The following ARHGAP44 variants were observed in gnomAD, a reference collection of about 807,000 sequenced individuals.
ARHGAP44 encodes the protein Rho GTPase activating protein 44, also known as rho GTPase-activating protein 44.
In ARHGAP44, 43 loss-of-function variants were observed where a neutral mutation model predicts 106.8. The ratio of observed to expected loss-of-function variants is 0.40; its 90% CI spans 0.32 to 0.52. ARHGAP44 has a LOEUF of 0.52. ARHGAP44 is among the 20% of genes least tolerant of loss of function. ARHGAP44 has a pLI of 0.48. For missense variants in ARHGAP44, 866 were observed against 1,050.5 expected (o/e 0.82, Z 2.43); for synonymous variants, 439 against 410.3 (o/e 1.07, Z -0.85).
At chr17:12,984,967 G>A (rs1230759781) in intron 20 of ARHGAP44, 59 bp downstream of exon 20, 7 of 1,534,914 alleles carry the variant, frequency 4.6e-6, no homozygotes, top group Non-Finnish European at 6.1e-6. Context: ...ATGTGCCTAG[G>A]GGAGGGATTG....
At chr17:12,883,092 T>C (rs1168087369) in intron 1 of ARHGAP44, among the ~76,000 whole-genome samples, 1 of 151,838 alleles carries the variant, frequency 6.6e-6, no homozygotes, top group South Asian at 2.1e-4. Context: ...TTCTTTGATA[T>C]TTATAGAATG....
chr17:12,990,729 C>T lies in ARHGAP44; in HGVS notation c.*558C>T, dbSNP rs1452888495. The stretch of plus-strand genomic sequence containing the variant: ...TGGGGGAGGGCTTGCCACTGGAAAA[C>T]CTTTCAGGCCGCCCCCATCAGTGGG... On this transcript the variant is annotated 3_prime_UTR_variant, in exon 21 of 21. Coordinates refer to ENST00000379672, the MANE Select transcript of ARHGAP44 (RefSeq NM_014859.6). 6.6e-6 allele frequency: 1 copy of T among 152,430 alleles called. No homozygotes were observed. The highest frequency in any genetic ancestry group is 2.4e-5 in the African/African-American group (1 of 41,456). The allele number at this position is 152,430 out of a possible 1,614,324, so 9.4% of individuals were successfully genotyped here.
intron 13 of ARHGAP44, 42 bp downstream of exon 13, chr17:12,952,623 T>TA (rs776497839): frequency 4.5e-5 from 65 of 1,455,326 alleles, no homozygotes; most frequent in Non-Finnish European, 5.7e-5. Flanking sequence ...GGCTTGGGCT[T>TA]ATGTAAGCCT....
intron 1 of ARHGAP44, among the ~76,000 whole-genome samples, chr17:12,816,495 G>A (rs1160345985): frequency 6.6e-6 from 1 of 152,134 alleles, no homozygotes; most frequent in Non-Finnish European, 1.5e-5. Context: ...GGAGCTTTAA[G>A]CTGTCATTAT....
chr17:12,843,651 C>CTTTTTTT (rs146749216), intron 1 of ARHGAP44, among the ~76,000 whole-genome samples: 10 of 97,120 alleles, frequency 1.0e-4, no homozygotes, highest in African/African-American at 1.5e-4. Flanking sequence ...GTATTGGTTA[C>CTTTTTTT]TTTTTTTTTT....
intron 1 of ARHGAP44, among the ~76,000 whole-genome samples, chr17:12,795,442 A>G (rs537520050): frequency 3.9e-5 from 6 of 152,278 alleles, no homozygotes; most frequent in African/African-American, 1.4e-4. Context: ...CAGACCTGCA[A>G]GTCATCGTGA....
intron 1 of ARHGAP44, among the ~76,000 whole-genome samples, chr17:12,885,853 G>T (rs918212744): frequency 6.6e-6 from 1 of 151,932 alleles, no homozygotes; most frequent in Non-Finnish European, 1.5e-5. Flanking sequence ...AAAGCTTTTA[G>T]TTTTGAAGAA....
At position 12,958,679 on chromosome 17, in the gene ARHGAP44, C is replaced by T. The variant is rs2039185902; in HGVS notation, c.1343-38C>T. 2 of 1,600,624 alleles carry T rather than the reference C, an allele frequency of 1.2e-6. No individual in the cohort carries two copies. The highest frequency in any genetic ancestry group is 3.4e-5 in the Admixed American group (2 of 59,586). The stretch of plus-strand genomic sequence containing the variant: ...CCCTGCCCAGGAAGGGTGTGGCAGA[C>T]CAAGAGTTCACATGTACCAATTCTT... On this transcript the variant is annotated intron_variant, in intron 15 of 20. Transcript: ENST00000379672. This position sits in a 1 kb window ranked among gnomAD's most constrained non-coding sequence, Gnocchi z 4.1.
intron 7 of ARHGAP44, among the ~76,000 whole-genome samples, chr17:12,933,527 C>G (rs2038459450): frequency 6.6e-6 from 1 of 152,160 alleles, no homozygotes; most frequent in African/African-American, 2.4e-5. Context: ...TGAGACAAGC[C>G]CAACTCTTCA....
intron 1 of ARHGAP44, among the ~76,000 whole-genome samples, chr17:12,792,867 G>A (rs2033808370): frequency 6.6e-6 from 1 of 152,176 alleles, no homozygotes; most frequent in Non-Finnish European, 1.5e-5. Flanking sequence ...CATATTAAGG[G>A]CGTCAGCGAC....
chr17:12,974,220 C>CGCCGCTGCCCCTGGACA lies in ARHGAP44; in HGVS notation c.1682_1683insCCTGGACAGCCGCTGCC (p.Glu562LeufsTer137). The CGCCGCTGCCCCTGGACA allele has an allele frequency of 6.5e-7, 1 of 1,546,368 alleles. No homozygotes were observed. Among genetic ancestry groups the CGCCGCTGCCCCTGGACA allele is most frequent in the Non-Finnish European group, 8.7e-7 (1 of 1,145,632 alleles). ...GCCGAGCTGGCTGCGCCCCTGCCTT[C>CGCCGCTGCCCCTGGACA]GCCGCTGCCGGAGCAGCCCCTGGAC... is the stretch of plus-strand genomic sequence containing the variant. On this transcript the variant is annotated frameshift_variant, in exon 18 of 21. Coordinates refer to ENST00000379672, the MANE Select transcript of ARHGAP44 (RefSeq NM_014859.6). LOFTEE classifies it high-confidence loss of function.
chr17:12,977,824 G>C (rs144090790), intron 18 of ARHGAP44, among the ~76,000 whole-genome samples: 1 of 151,988 alleles, frequency 6.6e-6, no homozygotes, highest in South Asian at 2.1e-4. Context: ...TGGATCCTGA[G>C]GTCAGGAGAT....
Position 12,870,089 on chromosome 17 carries a change from C to T in ARHGAP44, c.54-24851C>T, listed in dbSNP as rs184895044. Among the ~76,000 whole-genome samples the T allele has an allele frequency of 4.1e-4, 51 of 123,796 alleles. No homozygotes were observed. In the East Asian group the frequency reaches 0.011, roughly 26 times the overall value. The allele number at this position is 123,796 out of a possible 152,430, so 81.2% of individuals were successfully genotyped here. A position where few individuals can be genotyped will look rare whatever the true frequency, so the allele number is the denominator to read the frequency against. On this transcript the variant is annotated intron_variant, in intron 1 of 20. Transcript: ENST00000379672. ...TTTGAGATAGAGTCTTGCTCTGTCACTCAGGCTGGAGTGCAGTGGCGTGAT... is the reference window on the plus strand; with the variant it reads ...TTTGAGATAGAGTCTTGCTCTGTCATTCAGGCTGGAGTGCAGTGGCGTGAT...
intron 5 of ARHGAP44, among the ~76,000 whole-genome samples, chr17:12,918,397 A>T (rs2037979024): frequency 6.6e-6 from 1 of 152,190 alleles, no homozygotes; most frequent in Admixed American, 6.5e-5. Context: ...AGATGATTTT[A>T]GTTCAATTTT....
chr17:12,925,428 G>A (rs754705499), intron 6 of ARHGAP44, among the ~76,000 whole-genome samples: 2 of 152,190 alleles, frequency 1.3e-5, no homozygotes, highest in African/African-American at 2.4e-5. Context: ...GGCAGAGGAA[G>A]GGGCAAGACT....
At position 12,952,593 on chromosome 17, in the gene ARHGAP44, CT is replaced by C; in HGVS notation, c.1136+14del. 6.4e-7 allele frequency: 1 copy of C among 1,552,152 alleles called. No individual in the cohort carries two copies. Among genetic ancestry groups the C allele is most frequent in the South Asian group, 1.2e-5 (1 of 84,236 alleles). ...CACAACAACATCCGGTAAGTGGATACTTACCAAGTATAGACACATGGCTTGG... is the reference window on the plus strand; with the variant it reads ...CACAACAACATCCGGTAAGTGGATACTACCAAGTATAGACACATGGCTTGG... On this transcript the variant is annotated intron_variant, in intron 13 of 20. Transcript: ENST00000379672.
intron 12 of ARHGAP44, 76 bp from the exon 13 acceptor site, chr17:12,952,425 T>C: frequency 1.7e-6 from 2 of 1,185,538 alleles, no homozygotes; most frequent in Non-Finnish European, 1.2e-6. Flanking sequence ...AATATTACAA[T>C]GATTGGTTAA....
At chr17:12,820,461 A>T (rs1469211953) in intron 1 of ARHGAP44, among the ~76,000 whole-genome samples, 1 of 152,192 alleles carries the variant, frequency 6.6e-6, no homozygotes, top group Non-Finnish European at 1.5e-5. Flanking sequence ...GTTTAAGTAA[A>T]ATTAAGGTTA....
chr17:12,986,484 C>T (rs570315558), intron 20 of ARHGAP44: 1 of 152,402 alleles, frequency 6.6e-6, no homozygotes, highest in East Asian at 1.9e-4. Context: ...AGAAGATGGC[C>T]AGGCACGGTG....
Sources: gnomAD v4.1 joint callset for allele counts (sites outside exome capture counted in the v4.1 genomes callset) on GRCh38, gnomAD v4.1.1 for gene constraint, Gnocchi (gnomAD v3.1) non-coding constraint, MANE v1.5 for transcripts, NCBI Gene and HGNC (gene_info 2026-07-23, HGNC 2026-07-21) for gene names.